MIB1: variants seen among roughly 807,000 people sequenced by gnomAD.
MIB1 encodes the protein E3 ubiquitin-protein ligase MIB1.
Under a neutral mutation model 124.5 loss-of-function variants are expected in MIB1, and 278 were observed. The ratio of observed to expected loss-of-function variants is 2.23; its 90% confidence interval spans 2.02 to 2.47. The LOEUF (loss-of-function observed/expected upper bound fraction) is 2.47, where lower values mean the gene tolerates loss of function less well. MIB1 is among the 30% of genes most tolerant of loss of function. MIB1 has a pLI of 0.00. For synonymous variants in MIB1, 446 were observed against 429.4 expected (o/e 1.04, Z -0.48); for missense variants, 957 against 1,254.4 (o/e 0.76, Z 3.58).
intron 17 of MIB1, among the ~76,000 whole-genome samples, chr18:21,852,258 A>G (rs1336443226): frequency 1.3e-5 from 2 of 152,230 alleles, no homozygotes; most frequent in African/African-American, 4.8e-5. Context: ...ACTTACATAA[A>G]TTCTATGTAC....
intron 5 of MIB1, 57 bp downstream of exon 5, chr18:21,778,226 G>A: frequency 8.3e-7 from 1 of 1,199,494 alleles, no homozygotes; most frequent in Non-Finnish European, 1.2e-6. Context: ...CGTGGAATCA[G>A]TAAAATGCTT....
Position 21,858,549 on chromosome 18 carries a change from G to T in MIB1, c.2783G>T (p.Ser928Ile), listed in dbSNP as rs188798308. Reference sequence around the variant, plus strand: ...TCTTTTTAAATCTATATTATAGCAAGTGGGAATATTCCAGTATTACAAAAG... The same window carrying T: ...TCTTTTTAAATCTATATTATAGCAATTGGGAATATTCCAGTATTACAAAAG... ...SSEDATDDISSGNIPVLQKDK... is the reference protein window; with the variant it reads ...SSEDATDDISIGNIPVLQKDK... Residue 928 changes from serine to isoleucine, a missense_variant, in exon 20 of 21, where the codon AGT (serine) becomes ATT (isoleucine). Ser to Ile is a moderately radical substitution (Grantham distance 142). Transcript: ENST00000261537. 6.8e-7 allele frequency: 1 copy of T among 1,460,662 alleles called. No individual in the cohort carries two copies. The highest frequency in any genetic ancestry group is 1.4e-5 in the African/African-American group (1 of 71,996). The allele number at this position is 1,460,662 out of a possible 1,614,324, so 90.5% of individuals were successfully genotyped here. A position where few individuals can be genotyped will look rare whatever the true frequency, so the allele number is the denominator to read the frequency against.
chr18:21,783,240 A>G (rs916284143), intron 6 of MIB1, among the ~76,000 whole-genome samples: 1 of 146,596 alleles, frequency 6.8e-6, no homozygotes, highest in Non-Finnish European at 1.5e-5. Context: ...CAGCCACTCT[A>G]TGCCTTTTTT....
At chr18:21,758,221 AT>A (rs2041057019) in intron 1 of MIB1, among the ~76,000 whole-genome samples, 1 of 152,190 alleles carries the variant, frequency 6.6e-6, no homozygotes, top group Non-Finnish European at 1.5e-5. Context: ...TCCTATTTTC[AT>A]TAATTTAGTA....
At chr18:21,724,720 AAAAAAAAATATATATATATATAT>A (rs2040730401) in intron 1 of MIB1, among the ~76,000 whole-genome samples, 1 of 65,712 alleles carries the variant, frequency 1.5e-5, no homozygotes, top group African/African-American at 6.2e-5. Context: ...TCCAAAAAAA[AAAAAAAAATATATATATATATAT>A]ATATATATAT....
chr18:21,744,141 C>CTCCTG (rs1319410618), intron 1 of MIB1, among the ~76,000 whole-genome samples: 7 of 137,538 alleles, frequency 5.1e-5, no homozygotes, highest in Non-Finnish European at 7.7e-5. Context: ...AAATTGTAAG[C>CTCCTG]TCCTGGCTCT....
rs185849409 is a variant in MIB1 at position 21,713,228 on chromosome 18, C to T, written n.167+8105C>T. ...AAACAATCCCCCCATCTCAGACTCC[C>T]AAAGTGCTGGGATTACAACCCTGAG... is the stretch of plus-strand genomic sequence containing the variant. On this transcript the variant is annotated intron_variant and non_coding_transcript_variant, in intron 1 of 20. Transcript: ENST00000578646. Among the ~76,000 whole-genome samples, 9 of 139,324 alleles carry T rather than the reference C, an allele frequency of 6.5e-5. No homozygotes were observed. The East Asian group carries it at 1.9e-3, about 29-fold the overall frequency. 91.4% of individuals were successfully genotyped at this position (139,324 alleles called of 152,430 possible).
intron 1 of MIB1, among the ~76,000 whole-genome samples, chr18:21,758,737 G>T (rs1207812447): frequency 1.3e-5 from 2 of 152,094 alleles, no homozygotes; most frequent in Non-Finnish European, 1.5e-5. Flanking sequence ...GTTTCACTAT[G>T]TTGGCCAGAC....
chr18:21,804,105 A>T lies in MIB1; in HGVS notation c.1479+91A>T, dbSNP rs2041679147. The T allele has an allele frequency of 4.2e-6, 4 of 947,916 alleles. 1 individual carries two copies. The South Asian group carries it at 5.9e-5, about 14-fold the overall frequency. The allele number at this position is 947,916 out of a possible 1,614,324, so 58.7% of individuals were successfully genotyped here. A position where few individuals can be genotyped will look rare whatever the true frequency, so the allele number is the denominator to read the frequency against. ...GAGATGGATTGTTTTTATTTTTGAA[A>T]TTTAGTATCCAACTAAGGCTTTTCT... On this transcript the variant is annotated intron_variant, in intron 10 of 20. Coordinates refer to ENST00000261537, the MANE Select transcript of MIB1 (RefSeq NM_020774.4).
At chr18:21,723,477 A>C (rs888180641) in intron 1 of MIB1, among the ~76,000 whole-genome samples, 2 of 152,174 alleles carry the variant, frequency 1.3e-5, no homozygotes, top group African/African-American at 4.8e-5. Flanking sequence ...GAGCTAAGTA[A>C]TATATGTATG....
At chr18:21,819,078 C>T (rs751876423) in intron 11 of MIB1, among the ~76,000 whole-genome samples, 9 of 152,170 alleles carry the variant, frequency 5.9e-5, no homozygotes, top group Non-Finnish European at 4.4e-5. Flanking sequence ...CGCTCTGTCA[C>T]CCTGGCTGGA....
chr18:21,771,845 C>T (rs946555276), intron 3 of MIB1, among the ~76,000 whole-genome samples: 2 of 141,434 alleles, frequency 1.4e-5, no homozygotes, highest in African/African-American at 6.2e-5. Flanking sequence ...AAAAAAAAAA[C>T]GAAAATTAGC....
intron 1 of MIB1, among the ~76,000 whole-genome samples, chr18:21,725,991 A>G (rs938150999): frequency 1.3e-5 from 2 of 152,196 alleles, no homozygotes; most frequent in Non-Finnish European, 2.9e-5. Context: ...TAACTCTCAA[A>G]CAGTTTGTTT....
intron 12 of MIB1, among the ~76,000 whole-genome samples, chr18:21,835,799 AT>A (rs2042023059): frequency 1.3e-5 from 1 of 74,572 alleles, no homozygotes; most frequent in Non-Finnish European, 2.5e-5. Context: ...ATATATATAT[AT>A]CCACACACAC....
chr18:21,830,340 T>C (rs1277583910), intron 12 of MIB1, among the ~76,000 whole-genome samples: 3 of 152,182 alleles, frequency 2.0e-5, no homozygotes, highest in Non-Finnish European at 4.4e-5. Flanking sequence ...TTACTAGAGA[T>C]GCAAAATCAT....
At chr18:21,758,853 T>C (rs2041064846) in intron 1 of MIB1, among the ~76,000 whole-genome samples, 2 of 152,112 alleles carry the variant, frequency 1.3e-5, no homozygotes, top group African/African-American at 4.8e-5. Context: ...TTTTTTTTGA[T>C]GTTAGGTGAA....
chr18:21,714,804 C>T lies in MIB1; in HGVS notation n.167+9681C>T, dbSNP rs117383449. 4.0e-3 allele frequency among the ~76,000 whole-genome samples: 602 copies of T among 152,322 alleles called. 5 individuals are homozygous for T. The highest frequency in any genetic ancestry group is 6.8e-3 in the Middle Eastern group (2 of 294). On this transcript the variant is annotated intron_variant and non_coding_transcript_variant, in intron 1 of 20. Coordinates refer to the MIB1 transcript ENST00000578646. Reference sequence around the variant, plus strand: ...ATTGAAATACCTGATCAGGAGCTTTCTGCTCCATCAGCTGCTACTGGAGAG... The same window carrying T: ...ATTGAAATACCTGATCAGGAGCTTTTTGCTCCATCAGCTGCTACTGGAGAG...
chr18:21,726,195 G>A (rs1301304787), intron 1 of MIB1, among the ~76,000 whole-genome samples: 1 of 152,108 alleles, frequency 6.6e-6, no homozygotes, highest in Non-Finnish European at 1.5e-5. Flanking sequence ...AGTGAGCTAT[G>A]ATGGCACCAT....
In MIB1 at chr18:21,741,218, T is replaced by C. The variant is rs2040845427; in HGVS notation, c.-366T>C. The C allele has an allele frequency of 6.6e-6, 1 of 152,278 alleles. No homozygotes were observed. The highest frequency in any genetic ancestry group is 2.4e-5 in the African/African-American group (1 of 41,378). 9.4% of individuals were successfully genotyped at this position (152,278 alleles called of 1,614,324 possible). On this transcript the variant is annotated 5_prime_UTR_variant, in exon 1 of 21. Transcript: ENST00000261537. This position sits in a 1 kb window ranked among gnomAD's most constrained non-coding sequence, Gnocchi z 5.4. ...CCCCGGCCCCCTGCGCTCCTCGCGCTGCCGGCCGGGGGAGAGCGTGGTTTC... is the reference window on the plus strand; with the variant it reads ...CCCCGGCCCCCTGCGCTCCTCGCGCCGCCGGCCGGGGGAGAGCGTGGTTTC...
Sources: allele counts gnomAD v4.1 joint callset (sites outside exome capture counted in the v4.1 genomes callset), GRCh38; gene constraint gnomAD v4.1.1; non-coding constraint Gnocchi (gnomAD v3.1); transcripts MANE v1.5; gene names NCBI Gene and HGNC (gene_info 2026-07-23, HGNC 2026-07-21).